CPEB3: variants seen among roughly 807,000 people sequenced by gnomAD.
CPEB3 encodes cytoplasmic polyadenylation element binding protein 3.
In CPEB3, 20 loss-of-function variants were observed where a neutral mutation model predicts 67.2. The ratio of observed to expected loss-of-function variants is 0.30; its 90% CI spans 0.21 to 0.43. The LOEUF (loss-of-function observed/expected upper bound fraction) is 0.43. Among genes scored for constraint, CPEB3 ranks in the 20% least tolerant of loss-of-function variants. The pLI is 1.00. For missense variants in CPEB3, 746 were observed against 968.6 expected (o/e 0.77, Z 3.05); for synonymous variants, 376 against 393.1 (o/e 0.96, Z 0.51).
At chr10:92,080,280 G>T (rs1843095931) in intron 9 of CPEB3, among the ~76,000 whole-genome samples, 1 of 151,988 alleles carries the variant, frequency 6.6e-6, no homozygotes, top group Non-Finnish European at 1.5e-5. Context: ...GTCCAGATTG[G>T]CTCTTACTGC....
intron 4 of CPEB3, among the ~76,000 whole-genome samples, chr10:92,176,005 C>T (rs959744717): frequency 6.6e-6 from 1 of 152,112 alleles, no homozygotes; most frequent in Admixed American, 6.5e-5. Context: ...TCAGGAGAAT[C>T]GCTTGAGCCC....
At chr10:92,085,620 T>C (rs754748015) in intron 8 of CPEB3, among the ~76,000 whole-genome samples, 1 of 152,190 alleles carries the variant, frequency 6.6e-6, no homozygotes, top group Non-Finnish European at 1.5e-5. Context: ...TTTCTTTTTC[T>C]TTTTTTGAGA....
intron 3 of CPEB3, among the ~76,000 whole-genome samples, chr10:92,190,702 A>AAAAAAGG (rs1848935565): frequency 7.1e-6 from 1 of 141,396 alleles, no homozygotes; most frequent in Non-Finnish European, 1.5e-5. Context: ...AAAAAAAAAA[A>AAAAAAGG]GGAGGAGGAA....
chr10:92,190,682 AAAAAAAAAAAAAAAAAAAAAG>A (rs1473758277), intron 3 of CPEB3, among the ~76,000 whole-genome samples: 1 of 88,346 alleles, frequency 1.1e-5, no homozygotes, highest in Non-Finnish European at 3.2e-5. Context: ...AAAAAAAAAA[AAAAAAAAAAAAAAAAAAAAAG>A]GAGGAGGAAA....
chr10:92,129,452 C>A (rs1845744207), intron 6 of CPEB3, among the ~76,000 whole-genome samples: 1 of 152,090 alleles, frequency 6.6e-6, no homozygotes, highest in South Asian at 2.1e-4. Context: ...CTATGACCTA[C>A]ATAACAAAAA....
chr10:92,288,100 C>T (rs913461713), intron 1 of CPEB3, among the ~76,000 whole-genome samples: 3 of 152,128 alleles, frequency 2.0e-5, no homozygotes, highest in Non-Finnish European at 4.4e-5. Context: ...TTGTATGATA[C>T]ACCACATGTG....
At chr10:92,262,920 GA>G (rs1188787743) in intron 1 of CPEB3, among the ~76,000 whole-genome samples, 2 of 151,678 alleles carry the variant, frequency 1.3e-5, no homozygotes, top group Non-Finnish European at 1.5e-5. Flanking sequence ...CAAGGCTCAA[GA>G]AAAAAAATCC....
intron 6 of CPEB3, chr10:92,118,542 T>C (rs1845155092): frequency 4.5e-6 from 1 of 220,520 alleles, no homozygotes; most frequent in Non-Finnish European, 9.0e-6. Context: ...TAAAGGATAT[T>C]CTATAAAACA....
At chr10:92,123,133 C>T (rs567887912) in intron 6 of CPEB3, among the ~76,000 whole-genome samples, 75 of 152,304 alleles carry the variant, frequency 4.9e-4, no homozygotes, top group Non-Finnish European at 9.8e-4. Flanking sequence ...TAATCTACTT[C>T]CTGTGTTCTT....
intron 4 of CPEB3, among the ~76,000 whole-genome samples, chr10:92,155,024 T>C (rs938860369): frequency 2.6e-5 from 4 of 152,204 alleles, no homozygotes; most frequent in Non-Finnish European, 4.4e-5. Context: ...GCCTAGCCAA[T>C]ATGGTGAAAC....
intron 9 of CPEB3, among the ~76,000 whole-genome samples, chr10:92,056,265 C>T (rs897162219): frequency 4.1e-4 from 63 of 152,276 alleles, no homozygotes; most frequent in Middle Eastern, 6.8e-3. Context: ...CTACTACGAC[C>T]TCTCAAACAG....
chr10:92,167,492 G>A (rs1006334849), intron 4 of CPEB3, among the ~76,000 whole-genome samples: 1 of 152,184 alleles, frequency 6.6e-6, no homozygotes, highest in African/African-American at 2.4e-5. Context: ...AAATGGGAAG[G>A]CCCAAGGAGA....
At chr10:92,287,890 A>C (rs1842606519) in intron 1 of CPEB3, among the ~76,000 whole-genome samples, 1 of 151,630 alleles carries the variant, frequency 6.6e-6, no homozygotes, top group South Asian at 2.1e-4. Context: ...TTTCTCCCCA[A>C]CTCCTTCAGC....
chr10:92,158,578 A>G (rs1473332146), intron 4 of CPEB3, among the ~76,000 whole-genome samples: 1 of 152,236 alleles, frequency 6.6e-6, no homozygotes, highest in Admixed American at 6.5e-5. Flanking sequence ...AATTTTATAT[A>G]CAACTAGCTG....
At chr10:92,259,081 G>A (rs1852673119) in intron 1 of CPEB3, among the ~76,000 whole-genome samples, 1 of 151,696 alleles carries the variant, frequency 6.6e-6, no homozygotes, top group Non-Finnish European at 1.5e-5. Context: ...TCCTGCCTCA[G>A]ACTCCTGAGT....
intron 6 of CPEB3, among the ~76,000 whole-genome samples, chr10:92,138,725 G>C (rs915404172): frequency 6.6e-6 from 1 of 152,104 alleles, no homozygotes; most frequent in East Asian, 1.9e-4. Flanking sequence ...GTGGAGAAAA[G>C]GGAACACTTG....
intron 7 of CPEB3, among the ~76,000 whole-genome samples, chr10:92,098,317 T>C (rs1199954528): frequency 2.6e-5 from 4 of 151,846 alleles, no homozygotes; most frequent in Non-Finnish European, 5.9e-5. Flanking sequence ...TATACCTTAC[T>C]CTTTTTTTGA....
chr10:92,145,058 T>C lies in CPEB3; in HGVS notation c.1250A>G (p.Asp417Gly), dbSNP rs2133844567. 6.2e-7 allele frequency: 1 copy of C among 1,614,038 alleles called. No individual in the cohort carries two copies. The highest frequency in any genetic ancestry group is 8.5e-7 in the Non-Finnish European group (1 of 1,179,914). Reference sequence around the variant, plus strand: ...ACTTAAGCCAGATGACAAGGCTTGATCACCATGGCTATCATCCAGGAAGGC... The same window carrying C: ...ACTTAAGCCAGATGACAAGGCTTGACCACCATGGCTATCATCCAGGAAGGC... ...NNAFLDDSHG[D>G]QALSSGLSSP... Residue 417 changes from aspartate (D) to glycine (G), a missense_variant, in exon 5 of 10, where the codon GAT becomes GGT. Transcript: ENST00000265997.
chr10:92,275,736 T>C (rs963837160), intron 1 of CPEB3, among the ~76,000 whole-genome samples: 4 of 152,130 alleles, frequency 2.6e-5, no homozygotes, highest in Admixed American at 1.3e-4. Flanking sequence ...TTTGTAGATA[T>C]GCCTAGGAAT....
Sources: allele counts gnomAD v4.1 joint callset (sites outside exome capture counted in the v4.1 genomes callset), GRCh38; gene constraint gnomAD v4.1.1; transcripts MANE v1.5; gene names NCBI Gene and HGNC (gene_info 2026-07-23, HGNC 2026-07-21).